The following PTPRF variants were observed in gnomAD, a reference collection of about 807,000 sequenced individuals.
PTPRF encodes the protein protein tyrosine phosphatase receptor type F.
PTPRF carries 59 observed loss-of-function variants against 201.8 expected under a neutral mutation model. The observed-to-expected ratio is 0.29, with a 90% CI of 0.24 to 0.36. The LOEUF (loss-of-function observed/expected upper bound fraction) is 0.36, where lower values mean the gene tolerates loss of function less well. Ranked by LOEUF, PTPRF falls within the 10% of genes least tolerant of loss-of-function variation. The probability of loss-of-function intolerance (pLI) is 1.00; values close to 1 mark genes in which losing one functional copy is unlikely to be tolerated. For missense variants in PTPRF, 2,132 were observed against 2,690.5 expected, an observed-to-expected ratio of 0.79 and a Z score of 4.59; for synonymous variants, 1,088 against 1,089.7, an observed-to-expected ratio of 1.00 and a Z score of 0.03.
intron 22 of PTPRF, among the ~76,000 whole-genome samples, chr1:43,610,653 G>T (rs1557850980): frequency 6.6e-6 from 1 of 152,234 alleles, no homozygotes; most frequent in Non-Finnish European, 1.5e-5. Flanking sequence ...GCTGAGCCGG[G>T]TGGATCACCT....
chr1:43,590,866 C>G, intron 8 of PTPRF, 106 bp from the exon 9 acceptor site: 1 of 1,069,036 alleles, frequency 9.4e-7, no homozygotes, highest in South Asian at 1.5e-5. Context: ...GGGTATCAGC[C>G]ACACTCAGGT....
chr1:43,604,136 G>T lies in PTPRF; in HGVS notation c.2984G>T (p.Gly995Val), dbSNP rs767986292. 1 of 1,614,136 alleles carries T rather than the reference G, an allele frequency of 6.2e-7. No individual in the cohort carries two copies. Among genetic ancestry groups the T allele is most frequent in the South Asian group, 1.1e-5 (1 of 91,086 alleles). Residue 995 changes from glycine to valine, a missense_variant, in exon 16 of 34, where the codon GGC (glycine) becomes GTC (valine). Physicochemically the swap from Gly to Val is moderately radical, Grantham distance 109. Coordinates refer to ENST00000359947, the MANE Select transcript of PTPRF (RefSeq NM_002840.5). The part of the protein sequence containing the change: ...DIKVRAWTSK[G>V]SGPLSPSIQS... ...AAGGTCCGCGCATGGACCAGCAAAG[G>T]CTCTGGCCCACTCAGCCCCAGCATC...
At position 43,613,673 on chromosome 1, in the gene PTPRF, C is replaced by T; in HGVS notation, c.4029C>T (p.Arg1343=). 6.2e-7 allele frequency: 1 copy of T among 1,614,192 alleles called. No homozygotes were observed. Among genetic ancestry groups the T allele is most frequent in the Non-Finnish European group, 8.5e-7 (1 of 1,180,010 alleles). The change falls in exon 23 of 34, where the codon CGC becomes CGT. Residue 1343 remains arginine (R), a synonymous_variant. Coordinates refer to ENST00000359947, the MANE Select transcript of PTPRF (RefSeq NM_002840.5). The stretch of plus-strand genomic sequence containing the variant: ...CCGACCTGGCGGACAACATCGAGCG[C>T]CTCAAAGCCAACGATGGCCTCAAGT... The part of the protein sequence containing the change: ...PITDLADNIE[R]LKANDGLKFS...
In PTPRF at chr1:43,594,066, A is replaced by G. The variant is rs369933094; in HGVS notation, c.1813+1465A>G. ...TGCCCTGCTGGAATGCAGGATCCCC[A>G]TGGGCAGACACCATGTGTCTGGTCA... On this transcript the variant is annotated intron_variant, in intron 11 of 33. Transcript: ENST00000359947. Among the ~76,000 whole-genome samples the G allele has an allele frequency of 1.1e-3, 171 of 152,284 alleles. 3 individuals carry two copies. The South Asian group carries it at 0.03, about 27-fold the overall frequency.
chr1:43,525,251 G>GAGC (rs1192072651), upstream of PTPRF: 2 of 152,762 alleles, frequency 1.3e-5, no homozygotes, highest in African/African-American at 2.4e-5. Context: ...GAGGTAGAGG[G>GAGC]AGCAAGGTGG....
Position 43,598,724 on chromosome 1 carries a change from C to T in PTPRF, c.2124C>T (p.Pro708=), listed in dbSNP as rs147762557. The change falls in exon 13 of 34, where the codon CCC becomes CCT. Residue 708 remains proline (P), a synonymous_variant. Coordinates refer to ENST00000359947, the MANE Select transcript of PTPRF (RefSeq NM_002840.5). ...CTTCTCTACCTGACCCCCCAGTGCC[C>T]AGCGGGCCTCCGCGGAAGGTGGAGG... ...PVLVRTDEDV[P]SGPPRKVEVE... The T allele has an allele frequency of 1.2e-3, 1,988 of 1,612,902 alleles. 2 individuals are homozygous for T. Among genetic ancestry groups the T allele is most frequent in the Middle Eastern group, 3.3e-3 (20 of 6,048 alleles).
At chr1:43,569,978 G>A (rs756168189) in intron 6 of PTPRF, among the ~76,000 whole-genome samples, 200 bp downstream of exon 6, 8 of 152,138 alleles carry the variant, frequency 5.3e-5, no homozygotes, top group East Asian at 1.9e-4. Context: ...TACCTTCTTC[G>A]GATTGTCAGA....
intron 19 of PTPRF, 134 bp from the exon 20 acceptor site, chr1:43,606,105 GT>G (rs1305538653): frequency 7.6e-6 from 7 of 916,722 alleles, no homozygotes. Context: ...GGGGCAGTGG[GT>G]TGGGCAGGTG....
chr1:43,605,759 CCT>C, intron 19 of PTPRF, 137 bp downstream of exon 19: 2 of 850,074 alleles, frequency 2.4e-6, no homozygotes, highest in Non-Finnish European at 3.8e-6. Context: ...GCAGCCCGCC[CCT>C]CTCTGGAGAG....
At chr1:43,584,759 G>A (rs1648680644) in intron 7 of PTPRF, among the ~76,000 whole-genome samples, 1 of 152,152 alleles carries the variant, frequency 6.6e-6, no homozygotes, top group Non-Finnish European at 1.5e-5. Flanking sequence ...GCAGCCACAA[G>A]GTTATTTATT....
chr1:43,618,050 A>G, intron 25 of PTPRF, 139 bp downstream of exon 25: 1 of 890,606 alleles, frequency 1.1e-6, no homozygotes, highest in Non-Finnish European at 1.7e-6. Context: ...TACTGGGGGT[A>G]TTATGCTCCC....
intron 7 of PTPRF, among the ~76,000 whole-genome samples, chr1:43,582,888 G>A (rs1166839049): frequency 6.6e-6 from 1 of 152,246 alleles, no homozygotes; most frequent in Non-Finnish European, 1.5e-5. Flanking sequence ...AGTCTTTTGT[G>A]AGTGATGTGG....
At chr1:43,580,089 C>G (rs1247416162) in intron 7 of PTPRF, 1 of 151,124 alleles carries the variant, frequency 6.6e-6, no homozygotes, top group Non-Finnish European at 1.5e-5. Flanking sequence ...GTACAACTGT[C>G]TCCACCCAGG....
Position 43,545,307 on chromosome 1 carries a change from C to T in PTPRF, c.91+141C>T, listed in dbSNP as rs180687526. The T allele has an allele frequency of 3.4e-4, 291 of 855,394 alleles. 3 individuals are homozygous for T. In the Admixed American group the frequency reaches 8.1e-3, roughly 24 times the overall value. 53.0% of individuals were successfully genotyped at this position (855,394 alleles called of 1,614,324 possible). A position where few individuals can be genotyped will look rare whatever the true frequency, so the allele number is the denominator to read the frequency against. On this transcript the variant is annotated intron_variant, in intron 3 of 33. Coordinates refer to ENST00000359947, the MANE Select transcript of PTPRF (RefSeq NM_002840.5). Reference sequence around the variant, plus strand: ...CTTTAGACCTTCTGTCCTAGAGAGCCCCCACTGCTTGGAGAGCCTCCTTCT... The same window carrying T: ...CTTTAGACCTTCTGTCCTAGAGAGCTCCCACTGCTTGGAGAGCCTCCTTCT...
chr1:43,605,494 C>T (rs771674910), intron 18 of PTPRF, 35 bp from the exon 19 acceptor site: 3 of 1,613,106 alleles, frequency 1.9e-6, no homozygotes, highest in Non-Finnish European at 2.5e-6. Flanking sequence ...AGGTAACCAG[C>T]AGTGACAGTC....
upstream of PTPRF, among the ~76,000 whole-genome samples, chr1:43,527,374 C>T (rs368203377): frequency 3.9e-5 from 6 of 152,248 alleles, no homozygotes; most frequent in African/African-American, 9.6e-5. Context: ...AGCTATCACG[C>T]TCTCCCAGGC....
intron 2 of PTPRF, among the ~76,000 whole-genome samples, chr1:43,543,967 G>C (rs1032692555): frequency 6.6e-6 from 1 of 152,220 alleles, no homozygotes; most frequent in African/African-American, 2.4e-5. Context: ...AGGGGTATGG[G>C]AGAGAGACCC....
chr1:43,569,379 A>G (rs1269618521), intron 5 of PTPRF, among the ~76,000 whole-genome samples: 1 of 152,178 alleles, frequency 6.6e-6, no homozygotes, highest in Non-Finnish European at 1.5e-5. Flanking sequence ...CTGACAGGGC[A>G]GGGGTGGGCC....
intron 29 of PTPRF, 27 bp from the exon 30 acceptor site, chr1:43,620,068 G>A (rs776541869): frequency 6.2e-7 from 1 of 1,613,076 alleles, no homozygotes; most frequent in Non-Finnish European, 8.5e-7. Flanking sequence ...AGCACCTCCA[G>A]CATGTCCAGT....
Sources: allele counts gnomAD v4.1 joint callset (sites outside exome capture counted in the v4.1 genomes callset), GRCh38; gene constraint gnomAD v4.1.1; transcripts MANE v1.5; gene names NCBI Gene and HGNC (gene_info 2026-07-23, HGNC 2026-07-21).